ACSS3: variants seen among roughly 807,000 people sequenced by gnomAD.
The protein encoded by ACSS3 is acyl-CoA synthetase short chain family member 3.
In ACSS3, 64 loss-of-function variants were observed where a neutral mutation model predicts 84.2. The observed-to-expected ratio is 0.76, with a 90% confidence interval of 0.62 to 0.94. The LOEUF (loss-of-function observed/expected upper bound fraction) is 0.94. Ranked by LOEUF, ACSS3 falls within the 40% of genes least tolerant of loss-of-function variation. The pLI is 0.00. For missense variants in ACSS3, 815 were observed against 867.6 expected (o/e 0.94, Z 0.76); for synonymous variants, 317 against 310.1 (o/e 1.02, Z -0.23).
At chr12:81,122,134 T>C (rs992623658) in intron 2 of ACSS3, among the ~76,000 whole-genome samples, 2 of 152,030 alleles carry the variant, frequency 1.3e-5, no homozygotes, top group Non-Finnish European at 2.9e-5. Flanking sequence ...GGTTTCACCA[T>C]GTTGGTCAGG....
chr12:81,179,443 C>A (rs923773615), intron 8 of ACSS3, among the ~76,000 whole-genome samples: 1 of 151,902 alleles, frequency 6.6e-6, no homozygotes, highest in African/African-American at 2.4e-5. Context: ...AGAGAAAGAT[C>A]TAATATCTGG....
At chr12:81,171,719 T>C (rs1461571907) in intron 7 of ACSS3, among the ~76,000 whole-genome samples, 2 of 152,214 alleles carry the variant, frequency 1.3e-5, no homozygotes, top group Non-Finnish European at 2.9e-5. Context: ...TGATGTAGTT[T>C]TTTTACTAAT....
At chr12:81,213,830 T>C (rs1204370651) in intron 9 of ACSS3, among the ~76,000 whole-genome samples, 2 of 84,144 alleles carry the variant, frequency 2.4e-5, no homozygotes, top group African/African-American at 4.3e-5. Context: ...TCTCTTCTCT[T>C]CTCTTCTCTT....
chr12:81,186,843 A>C (rs1344730412), intron 8 of ACSS3, among the ~76,000 whole-genome samples: 1 of 151,848 alleles, frequency 6.6e-6, no homozygotes, highest in Non-Finnish European at 1.5e-5. Flanking sequence ...ATGATCCAGC[A>C]ATCCGTCTTC....
intron 8 of ACSS3, among the ~76,000 whole-genome samples, chr12:81,185,415 A>C (rs781775452): frequency 5.9e-5 from 9 of 151,720 alleles, no homozygotes; most frequent in Non-Finnish European, 1.2e-4. Context: ...CTCTATTTGC[A>C]GATGATGTTG....
At chr12:81,250,649 A>G (rs887330530) in intron 13 of ACSS3, among the ~76,000 whole-genome samples, 31 of 152,106 alleles carry the variant, frequency 2.0e-4, no homozygotes, top group Non-Finnish European at 3.8e-4. Flanking sequence ...TAGGTGACAA[A>G]ATATGTGGGT....
At chr12:81,141,334 G>A (rs1278246911) in intron 4 of ACSS3, among the ~76,000 whole-genome samples, 1 of 152,144 alleles carries the variant, frequency 6.6e-6, no homozygotes, top group East Asian at 1.9e-4. Flanking sequence ...AATTTAGAGA[G>A]ACACAAATTA....
intron 8 of ACSS3, among the ~76,000 whole-genome samples, chr12:81,190,512 T>C (rs1213433772): frequency 6.6e-6 from 1 of 152,036 alleles, no homozygotes; most frequent in Non-Finnish European, 1.5e-5. Flanking sequence ...AGTTTTAATG[T>C]ATATATGTAT....
intron 1 of ACSS3, among the ~76,000 whole-genome samples, chr12:81,086,523 GGA>G (rs1372273323): frequency 1.3e-5 from 2 of 152,144 alleles, no homozygotes; most frequent in African/African-American, 4.8e-5. Flanking sequence ...AAGCAAGGAT[GGA>G]TTGCCTGGCA....
At chr12:81,141,567 T>C (rs1262060191) in intron 4 of ACSS3, among the ~76,000 whole-genome samples, 1 of 152,206 alleles carries the variant, frequency 6.6e-6, no homozygotes, top group Non-Finnish European at 1.5e-5. Context: ...TTTTTTCCTC[T>C]GTTTCTCAGA....
At chr12:81,254,799 A>G in intron 15 of ACSS3, 58 bp from the exon 16 acceptor site, 3 of 1,323,590 alleles carry the variant, frequency 2.3e-6, no homozygotes, top group African/African-American at 1.5e-5. Flanking sequence ...GTTTAATTAT[A>G]GAAAGAGTAG....
At chr12:81,102,857 A>T (rs1882639868) in intron 1 of ACSS3, among the ~76,000 whole-genome samples, 1 of 152,106 alleles carries the variant, frequency 6.6e-6, no homozygotes, top group Non-Finnish European at 1.5e-5. Context: ...ATTGAGAGTC[A>T]TCTGCATTGA....
chr12:81,186,810 G>T lies in ACSS3; in HGVS notation c.1250+11871G>T, dbSNP rs530735744. Among the ~76,000 whole-genome samples, 9 of 151,884 alleles carry T rather than the reference G, an allele frequency of 5.9e-5. No homozygotes were observed. The East Asian group carries it at 1.4e-3, about 23-fold the overall frequency. On this transcript the variant is annotated intron_variant, in intron 8 of 15. Coordinates refer to ENST00000548058, the MANE Select transcript of ACSS3 (RefSeq NM_024560.4). ...AGAAAACAGTATGGAGGTTTCTAAA[G>T]AAATTAAAAATAGAACTACCATATG...
intron 1 of ACSS3, among the ~76,000 whole-genome samples, chr12:81,109,248 TA>T (rs1412903823): frequency 2.0e-5 from 3 of 152,188 alleles, no homozygotes; most frequent in Non-Finnish European, 2.9e-5. Context: ...TTCATCTATG[TA>T]AAAAGGCTGA....
At chr12:81,126,097 G>A (rs2574744) in intron 2 of ACSS3, among the ~76,000 whole-genome samples, 127,592 of 151,894 alleles carry the variant, frequency 0.84, 55,819 homozygotes, top group Non-Finnish European at 0.96. Context: ...TCTGTATCAT[G>A]TCTAATATTG....
intron 7 of ACSS3, among the ~76,000 whole-genome samples, chr12:81,168,938 G>A (rs1887528002): frequency 1.3e-5 from 2 of 152,152 alleles, no homozygotes; most frequent in African/African-American, 2.4e-5. Context: ...GAAGGACCAT[G>A]TATCAGTTCT....
chr12:81,259,734 G>C lies in ACSS3; in HGVS notation c.*4812G>C. ...GGAAATCTCATTCTACTCCTCTGTG[G>C]TGTACCTCCACGCAGCCTGCTTACT... is the stretch of plus-strand genomic sequence containing the variant. On this transcript the variant is annotated 3_prime_UTR_variant, in exon 16 of 16. Coordinates refer to ENST00000548058, the MANE Select transcript of ACSS3 (RefSeq NM_024560.4). The C allele has an allele frequency of 7.4e-7, 1 of 1,351,784 alleles. No homozygotes were observed. The highest frequency in any genetic ancestry group is 1.0e-6 in the Non-Finnish European group (1 of 983,198). The allele number at this position is 1,351,784 out of a possible 1,614,324, so 83.7% of individuals were successfully genotyped here. A position where few individuals can be genotyped will look rare whatever the true frequency, so the allele number is the denominator to read the frequency against.
At chr12:81,131,309 G>T (rs968203676) in intron 2 of ACSS3, among the ~76,000 whole-genome samples, 14 of 152,258 alleles carry the variant, frequency 9.2e-5, no homozygotes, top group African/African-American at 2.4e-4. Flanking sequence ...TTGTTGAGCA[G>T]TGGTTTGTAG....
chr12:81,185,384 T>A, intron 8 of ACSS3, among the ~76,000 whole-genome samples: 1 of 151,606 alleles, frequency 6.6e-6, no homozygotes, highest in Middle Eastern at 3.2e-3. Flanking sequence ...ATGTATCTAA[T>A]TGAAAAAGAA....
Sources: gnomAD v4.1 joint callset for allele counts (sites outside exome capture counted in the v4.1 genomes callset) on GRCh38, gnomAD v4.1.1 for gene constraint, MANE v1.5 for transcripts, NCBI Gene and HGNC (gene_info 2026-07-23, HGNC 2026-07-21) for gene names.